EIF2AK4: variants seen among roughly 807,000 people sequenced by gnomAD.
EIF2AK4 encodes the protein eIF-2-alpha kinase GCN2.
Under a neutral mutation model 211.1 loss-of-function variants are expected in EIF2AK4, and 139 were observed. The ratio of observed to expected loss-of-function variants is 0.66; its 90% CI spans 0.57 to 0.76. EIF2AK4 has a LOEUF of 0.76. EIF2AK4 is among the 30% of genes least tolerant of loss of function. EIF2AK4 has a pLI of 0.00. For synonymous variants in EIF2AK4, 710 were observed against 751.3 expected, an observed-to-expected ratio of 0.94 and a Z score of 0.90; for missense variants, 1,664 against 2,043.8, an observed-to-expected ratio of 0.81 and a Z score of 3.58.
intron 7 of EIF2AK4, among the ~76,000 whole-genome samples, chr15:39,962,465 T>C (rs1213756594): frequency 6.6e-6 from 1 of 152,226 alleles, no homozygotes; most frequent in African/African-American, 2.4e-5. Context: ...CTATGATCTT[T>C]TTTGTTGTTG....
intron 2 of EIF2AK4, among the ~76,000 whole-genome samples, chr15:39,940,324 G>T (rs2034127611): frequency 6.6e-6 from 1 of 152,230 alleles, no homozygotes. Context: ...ATCCCACATG[G>T]AAAGGCAGGT....
intron 4 of EIF2AK4, among the ~76,000 whole-genome samples, chr15:39,949,728 G>A (rs765049822): frequency 2.6e-5 from 4 of 151,848 alleles, no homozygotes; most frequent in African/African-American, 4.8e-5. Flanking sequence ...TACGCAAACA[G>A]ATTAAAGAAA....
At chr15:39,940,227 C>T (rs2034126262) in intron 2 of EIF2AK4, among the ~76,000 whole-genome samples, 1 of 152,236 alleles carries the variant, frequency 6.6e-6, no homozygotes, top group Non-Finnish European at 1.5e-5. Context: ...AAGGTGATGT[C>T]ACCTCTGGTT....
intron 16 of EIF2AK4, among the ~76,000 whole-genome samples, chr15:39,990,702 A>G (rs2034931713): frequency 6.6e-6 from 1 of 152,210 alleles, no homozygotes; most frequent in South Asian, 2.1e-4. Context: ...TATACCTCAG[A>G]GGCTTTTGTT....
At chr15:39,958,831 A>G (rs953162759) in intron 6 of EIF2AK4, among the ~76,000 whole-genome samples, 2 of 152,118 alleles carry the variant, frequency 1.3e-5, no homozygotes, top group African/African-American at 4.8e-5. Context: ...TGGTAGAGCA[A>G]TCTTTTGGAT....
chr15:39,984,659 T>C (rs989513055), intron 13 of EIF2AK4, among the ~76,000 whole-genome samples: 1 of 152,222 alleles, frequency 6.6e-6, no homozygotes. Flanking sequence ...TGTTTGTCTA[T>C]TATTGGTGTA....
chr15:39,935,023 A>G (rs1354639142), intron 1 of EIF2AK4, among the ~76,000 whole-genome samples: 1 of 152,172 alleles, frequency 6.6e-6, no homozygotes, highest in African/African-American at 2.4e-5. Context: ...CACTAACACT[A>G]AGGATAGCTG....
chr15:40,008,991 A>G (rs1211665220), intron 25 of EIF2AK4, among the ~76,000 whole-genome samples: 1 of 152,220 alleles, frequency 6.6e-6, no homozygotes, highest in Non-Finnish European at 1.5e-5. Context: ...TGAGTCGATT[A>G]CTACTGGACC....
intron 2 of EIF2AK4, among the ~76,000 whole-genome samples, chr15:39,942,329 G>A (rs2034156452): frequency 6.6e-6 from 1 of 152,106 alleles, no homozygotes; most frequent in African/African-American, 2.4e-5. Flanking sequence ...CAGCTCTTTG[G>A]GGAGGAATCT....
Position 40,035,017 on chromosome 15 carries a change from T to A in EIF2AK4, c.4893-10T>A. 6.3e-7 allele frequency: 1 copy of A among 1,577,216 alleles called. No homozygotes were observed. The highest frequency in any genetic ancestry group is 1.1e-5 in the South Asian group (1 of 87,024). On this transcript the variant is annotated splice_polypyrimidine_tract_variant and intron_variant, in intron 38 of 38. Coordinates refer to ENST00000263791, the MANE Select transcript of EIF2AK4 (RefSeq NM_001013703.4). Reference sequence around the variant, plus strand: ...GAGTCTGTCCTTATATCTTTTCTTTTCTTTTGCAGGGTGTCTGTGCTATTT... The same window carrying A: ...GAGTCTGTCCTTATATCTTTTCTTTACTTTTGCAGGGTGTCTGTGCTATTT...
chr15:40,032,010 G>A (rs532572218), intron 35 of EIF2AK4, among the ~76,000 whole-genome samples, 159 bp from the exon 36 acceptor site: 20 of 152,360 alleles, frequency 1.3e-4, no homozygotes, highest in African/African-American at 4.8e-4. Flanking sequence ...ACGGGCATGA[G>A]CCATCGTACC....
Position 40,001,165 on chromosome 15 carries a change from ATCT to A in EIF2AK4, c.3104_3106del (p.Phe1035del), listed in dbSNP as rs752517331. 13 of 1,613,968 alleles carry A rather than the reference ATCT, an allele frequency of 8.1e-6. No individual in the cohort carries two copies. The highest frequency in any genetic ancestry group is 1.1e-5 in the Non-Finnish European group (13 of 1,180,022). On this transcript the variant is annotated inframe_deletion, in exon 21 of 39. Coordinates refer to ENST00000263791, the MANE Select transcript of EIF2AK4 (RefSeq NM_001013703.4). Reference sequence around the variant, plus strand: ...GGCCTACCGCACCATGATGGCCCAGATCTTCTCGCAGCGCATCTCCCCTGCCAT... The same window carrying A: ...GGCCTACCGCACCATGATGGCCCAGATCTCGCAGCGCATCTCCCCTGCCAT...
intron 15 of EIF2AK4, 35 bp downstream of exon 15, chr15:39,988,140 T>C (rs1422469088): frequency 6.2e-7 from 1 of 1,606,688 alleles, no homozygotes; most frequent in Admixed American, 1.7e-5. Flanking sequence ...TGAAGACTTA[T>C]GTTTACATAA....
Position 39,946,533 on chromosome 15 carries a change from T to G in EIF2AK4, c.361-2583T>G, listed in dbSNP as rs2034229741. 13 of 702,214 alleles carry G rather than the reference T, an allele frequency of 1.9e-5. No individual in the cohort carries two copies. The East Asian group carries it at 3.5e-4, about 19-fold the overall frequency. The allele number at this position is 702,214 out of a possible 1,614,324, so 43.5% of individuals were successfully genotyped here. A position where few individuals can be genotyped will look rare whatever the true frequency, so the allele number is the denominator to read the frequency against. On this transcript the variant is annotated intron_variant, in intron 3 of 38. Coordinates refer to ENST00000263791, the MANE Select transcript of EIF2AK4 (RefSeq NM_001013703.4). ...GTGGTTCCTGAAGATGCTGTGAACA[T>G]TGTTGAAATGACAATCGAGCATTTA...
rs1451260220 is a variant in EIF2AK4, at chr15:40,021,049, G to T, written c.4302+22G>T. The stretch of plus-strand genomic sequence containing the variant: ...ACAGGTAATGGGACAAAAAGCACCT[G>T]TGAGTGAAGTGCAAATTGCTATGGC... On this transcript the variant is annotated intron_variant, in intron 31 of 38. Coordinates refer to ENST00000263791, the MANE Select transcript of EIF2AK4 (RefSeq NM_001013703.4). 1.9e-6 allele frequency: 3 copies of T among 1,608,758 alleles called. No individual in the cohort carries two copies. In the South Asian group the frequency reaches 3.3e-5, roughly 18 times the overall value.
At position 39,949,172 on chromosome 15, in the gene EIF2AK4, G is replaced by A. The variant is rs757639432; in HGVS notation, c.417G>A (p.Lys139=). 8.7e-6 allele frequency: 14 copies of A among 1,613,950 alleles called. No individual in the cohort carries two copies. The highest frequency in any genetic ancestry group is 1.2e-5 in the Non-Finnish European group (14 of 1,180,010). The change falls in exon 4 of 39, where the codon AAG becomes AAA. Residue 139 remains lysine (K), a synonymous_variant. Transcript: ENST00000263791. ...AGTCATTTCTCAGCGAGCATAACAAGCCCCCTCCCAAGTCTTTTCATGAAG... is the reference window on the plus strand; with the variant it reads ...AGTCATTTCTCAGCGAGCATAACAAACCCCCTCCCAAGTCTTTTCATGAAG... The part of the protein sequence containing the change: ...HVQSFLSEHN[K]PPPKSFHEEM...
chr15:39,938,725 G>A (rs554117601), intron 1 of EIF2AK4, among the ~76,000 whole-genome samples: 55 of 152,280 alleles, frequency 3.6e-4, no homozygotes, highest in African/African-American at 1.2e-3. Context: ...AGGCAAGAAT[G>A]TAAAACTCCC....
Position 40,017,151 on chromosome 15 carries a change from A to G in EIF2AK4, c.3974A>G (p.Asn1325Ser), listed in dbSNP as rs1409950977. The G allele has an allele frequency of 6.2e-7, 1 of 1,614,088 alleles. No homozygotes were observed. Among genetic ancestry groups the G allele is most frequent in the South Asian group, 1.1e-5 (1 of 91,074 alleles). ...TTGGTTTACAAGGTGCAGCAGCACA[A>G]TGGAATCATCTTCCAGTTTGTGGCT... ...LGLVYKVQQHNGIIFQFVAFI... is the reference protein window; with the variant it reads ...LGLVYKVQQHSGIIFQFVAFI... The change falls in exon 29 of 39, where the codon AAT becomes AGT. Residue 1325 changes from asparagine to serine, a missense_variant. Around this residue, in one of 7 missense-constraint regions of EIF2AK4, gnomAD observed 622 missense variants for 796.8 expected, o/e 0.78. Coordinates refer to ENST00000263791, the MANE Select transcript of EIF2AK4 (RefSeq NM_001013703.4).
rs367726606 is a variant in EIF2AK4, at chr15:39,967,774, G to A, written c.1448G>A (p.Arg483His). Residue 483 changes from arginine to histidine, a missense_variant, in exon 9 of 39, where the codon CGT becomes CAT. Coordinates refer to ENST00000263791, the MANE Select transcript of EIF2AK4 (RefSeq NM_001013703.4). ...ACGGGGAAGAAAGGAGATGTTTGGC[G>A]TCTTGGCCTTCTGCTGCTGTCCCTC... ...YKTGKKGDVWRLGLLLLSLSQ... is the reference protein window; with the variant it reads ...YKTGKKGDVWHLGLLLLSLSQ... The A allele has an allele frequency of 4.0e-5, 65 of 1,614,088 alleles. No individual in the cohort carries two copies. Among genetic ancestry groups the A allele is most frequent in the Middle Eastern group, 1.6e-4 (1 of 6,084 alleles).
Sources: gnomAD v4.1 joint callset for allele counts (sites outside exome capture counted in the v4.1 genomes callset) on GRCh38, gnomAD v4.1.1 for gene constraint, gnomAD v4.1.1 regional missense constraint, MANE v1.5 for transcripts, NCBI Gene and HGNC (gene_info 2026-07-23, HGNC 2026-07-21) for gene names.